FBXW11: variants seen among roughly 807,000 people sequenced by gnomAD.
The protein encoded by FBXW11 is F-box/WD repeat-containing protein 11.
In FBXW11, 19 loss-of-function variants were observed where a neutral mutation model predicts 77.6. The observed-to-expected ratio is 0.24, with a 90% CI of 0.17 to 0.36. The LOEUF is 0.36. Ranked by LOEUF, FBXW11 falls within the 10% of genes least tolerant of loss-of-function variation. FBXW11 has a pLI of 1.00. For missense variants in FBXW11, 334 were observed against 704.2 expected, an observed-to-expected ratio of 0.47 and a Z score of 5.95; for synonymous variants, 235 against 249.4, an observed-to-expected ratio of 0.94 and a Z score of 0.54.
At chr5:171,968,872 C>G (rs1352792072) in intron 1 of FBXW11, among the ~76,000 whole-genome samples, 1 of 152,156 alleles carries the variant, frequency 6.6e-6, no homozygotes, top group East Asian at 1.9e-4. Flanking sequence ...GAAATATGTG[C>G]ACAACGAGAT....
intron 2 of FBXW11, among the ~76,000 whole-genome samples, chr5:171,917,839 T>A (rs1360418611): frequency 6.6e-6 from 1 of 152,078 alleles, no homozygotes; most frequent in Non-Finnish European, 1.5e-5. Flanking sequence ...TTTATATATA[T>A]GTCTCTCAGA....
chr5:171,985,541 T>C (rs902173404), intron 1 of FBXW11, among the ~76,000 whole-genome samples: 10 of 152,038 alleles, frequency 6.6e-5, no homozygotes, highest in African/African-American at 1.2e-4. Flanking sequence ...TAAGGATCAT[T>C]TGAAGCCAGT....
intron 1 of FBXW11, among the ~76,000 whole-genome samples, chr5:172,000,029 C>G (rs1298472721): frequency 6.6e-6 from 1 of 152,196 alleles, no homozygotes; most frequent in African/African-American, 2.4e-5. Context: ...TCAGGTCTTC[C>G]TGGTCTGTCT....
At position 171,876,216 on chromosome 5, in the gene FBXW11, C is replaced by A. The variant is rs1758073560; in HGVS notation, c.1221+69G>T. The A allele has an allele frequency of 1.9e-6, 3 of 1,583,864 alleles. No individual in the cohort carries two copies. Among genetic ancestry groups the A allele is most frequent in the African/African-American group, 2.7e-5 (2 of 74,490 alleles). On this transcript the variant is annotated intron_variant, in intron 9 of 13. Transcript: ENST00000517395. This position sits in a 1 kb window ranked among gnomAD's most constrained non-coding sequence, Gnocchi z 4.2. ...TTGCCAGGTACCAGGTTGGTATAAG[C>A]CACCTCTGCTTTGTCTCTGTTCTAA...
chr5:171,967,875 TATATATATACACACACACACAC>T (rs1764297600), intron 1 of FBXW11, among the ~76,000 whole-genome samples: 1 of 54,338 alleles, frequency 1.8e-5, no homozygotes, highest in African/African-American at 5.5e-5. Context: ...TATATATATA[TATATATATACACACACACACAC>T]ACACACACAC....
chr5:171,939,886 A>G (rs1474699205), intron 2 of FBXW11, among the ~76,000 whole-genome samples: 3 of 152,112 alleles, frequency 2.0e-5, no homozygotes, highest in Non-Finnish European at 2.9e-5. Flanking sequence ...CTGGTGCTCA[A>G]ATTCCTTATA....
intron 7 of FBXW11, among the ~76,000 whole-genome samples, chr5:171,887,937 G>A (rs1759031612): frequency 1.3e-5 from 2 of 152,176 alleles, no homozygotes; most frequent in Non-Finnish European, 1.5e-5. Context: ...GGGATTACAG[G>A]CATGAGCCAC....
chr5:171,878,277 GAC>G (rs2113785347), intron 7 of FBXW11, 148 bp from the exon 8 acceptor site: 1 of 619,410 alleles, frequency 1.6e-6, no homozygotes. Context: ...GGTAAGAAAT[GAC>G]AAGAAGGAAT....
In FBXW11 at chr5:171,876,143, G is replaced by A; in HGVS notation, c.1221+142C>T. On this transcript the variant is annotated intron_variant, in intron 9 of 13. Coordinates refer to ENST00000517395, the MANE Select transcript of FBXW11 (RefSeq NM_001378974.1). The surrounding 1 kb of genome is among the most constrained non-coding windows in gnomAD (Gnocchi z 4.2). ...TTGCCTACAACTCTACAGATATACA[G>A]AGTGGGATGGCCTCAAGGGTTCATA... 1 of 931,576 alleles carries A rather than the reference G, an allele frequency of 1.1e-6. No individual in the cohort carries two copies. Among genetic ancestry groups the A allele is most frequent in the East Asian group, 2.5e-5 (1 of 40,462 alleles). The allele number at this position is 931,576 out of a possible 1,614,324, so 57.7% of individuals were successfully genotyped here.
chr5:171,884,345 G>A (rs1386292182), intron 7 of FBXW11, among the ~76,000 whole-genome samples: 1 of 152,136 alleles, frequency 6.6e-6, no homozygotes, highest in African/African-American at 2.4e-5. Context: ...AGATCAGTTG[G>A]CTGTAAGTAT....
chr5:171,931,083 A>AAG (rs1280408592), intron 2 of FBXW11, among the ~76,000 whole-genome samples: 3 of 152,250 alleles, frequency 2.0e-5, no homozygotes, highest in African/African-American at 7.2e-5. Context: ...CAATAAGGTC[A>AAG]AGACATCAGT....
intron 2 of FBXW11, among the ~76,000 whole-genome samples, chr5:171,946,732 C>G (rs1318473246): frequency 6.6e-6 from 1 of 151,692 alleles, no homozygotes; most frequent in East Asian, 1.9e-4. Flanking sequence ...GAAGCCCTTC[C>G]CAAATCTTGG....
In FBXW11 at chr5:172,001,353, G is replaced by A. The variant is rs540013948; in HGVS notation, c.45+5105C>T. ...ATAAAAATTTGGAACTGATTATTGT[G>A]AGAATTAGTAATGTGGGTGAAAATG... On this transcript the variant is annotated intron_variant, in intron 1 of 13. Coordinates refer to ENST00000517395, the MANE Select transcript of FBXW11 (RefSeq NM_001378974.1). Among the ~76,000 whole-genome samples the A allele has an allele frequency of 7.9e-4, 120 of 152,296 alleles. 2 individuals carry two copies. Among genetic ancestry groups the A allele is most frequent in the African/African-American group, 2.7e-3 (114 of 41,566 alleles).
At chr5:171,959,678 T>C (rs1377875222) in intron 1 of FBXW11, among the ~76,000 whole-genome samples, 1 of 150,940 alleles carries the variant, frequency 6.6e-6, no homozygotes, top group Non-Finnish European at 1.5e-5. Context: ...TGAAACCCCG[T>C]CTCTACTAAA....
intron 1 of FBXW11, among the ~76,000 whole-genome samples, chr5:171,991,394 C>T (rs1279369666): frequency 6.6e-6 from 1 of 152,150 alleles, no homozygotes; most frequent in Non-Finnish European, 1.5e-5. Flanking sequence ...ATTCTAACAC[C>T]ACTAATTTTT....
At chr5:171,875,370 T>C (rs1758012488) in intron 9 of FBXW11, among the ~76,000 whole-genome samples, 1 of 152,108 alleles carries the variant, frequency 6.6e-6, no homozygotes, top group Non-Finnish European at 1.5e-5. Context: ...CCACATAAGG[T>C]ATTCTTCCAA....
intron 2 of FBXW11, among the ~76,000 whole-genome samples, chr5:171,939,290 A>C (rs949654863): frequency 1.3e-4 from 20 of 152,310 alleles, no homozygotes; most frequent in Admixed American, 9.2e-4. Flanking sequence ...GTAATACATC[A>C]GCAGAAACAA....
chr5:171,950,844 G>T (rs1037477677), intron 2 of FBXW11, among the ~76,000 whole-genome samples: 1 of 152,072 alleles, frequency 6.6e-6, no homozygotes, highest in Admixed American at 6.6e-5. Flanking sequence ...CCCAGATCAT[G>T]CCACTACACT....
intron 7 of FBXW11, among the ~76,000 whole-genome samples, chr5:171,882,791 TTTA>T (rs575260394): frequency 1.9e-3 from 285 of 152,218 alleles, no homozygotes; most frequent in Non-Finnish European, 3.6e-3. Flanking sequence ...TTTTATTGCT[TTTA>T]TTTTTTTATT....
Sources: allele counts gnomAD v4.1 joint callset (sites outside exome capture counted in the v4.1 genomes callset), GRCh38; gene constraint gnomAD v4.1.1; non-coding constraint Gnocchi (gnomAD v3.1); transcripts MANE v1.5; gene names NCBI Gene and HGNC (gene_info 2026-07-23, HGNC 2026-07-21).